The following PTPRM variants were observed in gnomAD, a reference collection of about 807,000 sequenced individuals.
PTPRM encodes receptor-type tyrosine-protein phosphatase mu.
In PTPRM, 47 loss-of-function variants were observed where a neutral mutation model predicts 186.7. The ratio of observed to expected loss-of-function variants is 0.25; its 90% CI spans 0.20 to 0.32. The LOEUF is 0.32. Ranked by LOEUF, PTPRM falls within the 10% of genes least tolerant of loss-of-function variation. PTPRM has a pLI of 1.00. For missense variants in PTPRM, 1,494 were observed against 1,865.0 expected (o/e 0.80, Z 3.66); for synonymous variants, 668 against 674.9 (o/e 0.99, Z 0.16).
At chr18:7,839,414 G>A (rs915296945) in intron 2 of PTPRM, among the ~76,000 whole-genome samples, 3 of 152,150 alleles carry the variant, frequency 2.0e-5, no homozygotes, top group African/African-American at 7.2e-5. Context: ...GATGAATTCT[G>A]CCAGGACTAG....
chr18:8,365,966 T>C (rs2095626542), intron 23 of PTPRM: 1 of 152,300 alleles, frequency 6.6e-6, no homozygotes, highest in Admixed American at 6.5e-5. Context: ...CCCAAATGTA[T>C]CTACACTTCA....
chr18:7,807,586 G>T (rs780648633), intron 2 of PTPRM, among the ~76,000 whole-genome samples: 1 of 152,118 alleles, frequency 6.6e-6, no homozygotes, highest in African/African-American at 2.4e-5. Context: ...AAGAAGGTGT[G>T]TCTGTGCCAC....
intron 2 of PTPRM, among the ~76,000 whole-genome samples, chr18:7,781,280 C>G (rs1047125653): frequency 5.9e-5 from 9 of 151,922 alleles, no homozygotes; most frequent in African/African-American, 2.2e-4. Context: ...TATTAAAATA[C>G]AATAATTAAA....
chr18:8,151,962 C>T (rs1458357978), intron 14 of PTPRM, among the ~76,000 whole-genome samples: 3 of 152,140 alleles, frequency 2.0e-5, no homozygotes, highest in South Asian at 2.1e-4. Flanking sequence ...CACCCTGCTT[C>T]GGCTCGCCCT....
At chr18:8,138,012 GGCT>G (rs2092678085) in intron 13 of PTPRM, among the ~76,000 whole-genome samples, 1 of 152,154 alleles carries the variant, frequency 6.6e-6, no homozygotes, top group Non-Finnish European at 1.5e-5. Context: ...CTAAATAAGG[GGCT>G]GCTAATTCGG....
intron 1 of PTPRM, among the ~76,000 whole-genome samples, chr18:7,659,365 A>G (rs1173576922): frequency 6.6e-6 from 1 of 152,184 alleles, no homozygotes; most frequent in Non-Finnish European, 1.5e-5. Context: ...CTATTGAATA[A>G]GTGAATGAAT....
At chr18:7,688,862 C>G (rs2039670128) in intron 1 of PTPRM, among the ~76,000 whole-genome samples, 1 of 152,188 alleles carries the variant, frequency 6.6e-6, no homozygotes, top group African/African-American at 2.4e-5. Flanking sequence ...TAGAAGGAGA[C>G]AGTGCTCCTG....
chr18:7,942,189 A>C (rs901752616), intron 5 of PTPRM, among the ~76,000 whole-genome samples: 5 of 151,818 alleles, frequency 3.3e-5, no homozygotes, highest in Admixed American at 2.6e-4. Context: ...AGGCTGAGGC[A>C]GGAAAATTGC....
intron 1 of PTPRM, among the ~76,000 whole-genome samples, chr18:7,666,516 C>T (rs368008660): frequency 1.3e-5 from 2 of 152,076 alleles, no homozygotes; most frequent in East Asian, 1.9e-4. Context: ...AAGACACCAG[C>T]GTCTGACGAG....
intron 2 of PTPRM, among the ~76,000 whole-genome samples, chr18:7,833,342 G>A (rs2045856344): frequency 1.3e-5 from 2 of 151,982 alleles, no homozygotes; most frequent in African/African-American, 4.8e-5. Flanking sequence ...TTTTGGTTAG[G>A]TTAATTCCTA....
intron 1 of PTPRM, among the ~76,000 whole-genome samples, chr18:7,728,813 T>A (rs369526435): frequency 6.6e-6 from 1 of 152,368 alleles, no homozygotes; most frequent in East Asian, 1.9e-4. Context: ...TTAATCTGTG[T>A]CCTAGACTAT....
intron 30 of PTPRM, among the ~76,000 whole-genome samples, chr18:8,385,149 C>A (rs2148536673): frequency 6.6e-6 from 1 of 152,274 alleles, no homozygotes; most frequent in Non-Finnish European, 1.5e-5. Flanking sequence ...TCCGAGGAAC[C>A]TGATCAGATA....
intron 14 of PTPRM, among the ~76,000 whole-genome samples, chr18:8,191,769 A>G (rs904593875): frequency 1.3e-5 from 2 of 152,198 alleles, no homozygotes; most frequent in African/African-American, 2.4e-5. Context: ...ACATTTTTTA[A>G]TACAGTTTTG....
intron 17 of PTPRM, chr18:8,251,579 A>G (rs1044467057): frequency 2.0e-5 from 3 of 152,308 alleles, no homozygotes; most frequent in African/African-American, 7.2e-5. Context: ...AAATCAACTT[A>G]CCACCCTTTT....
intron 13 of PTPRM, among the ~76,000 whole-genome samples, chr18:8,134,310 G>A (rs547980259): frequency 5.3e-5 from 8 of 152,118 alleles, no homozygotes; most frequent in Non-Finnish European, 1.2e-4. Flanking sequence ...TACAATATCC[G>A]TTCAGTAAAG....
At chr18:7,909,788 T>A (rs2050172691) in intron 4 of PTPRM, among the ~76,000 whole-genome samples, 1 of 141,850 alleles carries the variant, frequency 7.0e-6, no homozygotes, top group African/African-American at 2.6e-5. Flanking sequence ...GATATTCTGA[T>A]ACAAGTATAT....
intron 1 of PTPRM, among the ~76,000 whole-genome samples, chr18:7,642,477 G>A (rs534437738): frequency 1.3e-5 from 2 of 152,258 alleles, no homozygotes; most frequent in South Asian, 4.1e-4. Flanking sequence ...ATAGAAGTTA[G>A]AAAATGGACT....
chr18:8,188,145 T>C (rs780928288), intron 14 of PTPRM, among the ~76,000 whole-genome samples: 9 of 152,202 alleles, frequency 5.9e-5, no homozygotes, highest in Non-Finnish European at 1.3e-4. Context: ...AGAAAGGAAA[T>C]GTTCAGTAGT....
chr18:8,379,238 G>C lies in PTPRM; in HGVS notation c.3684G>C (p.Glu1228Asp), dbSNP rs2095715998. Residue 1228 changes from glutamate (E) to aspartate (D), a missense_variant, in exon 28 of 33, where the codon GAG becomes GAC. By Grantham distance (45) the Glu-to-Asp change is conservative (BLOSUM62 2). This residue lies in a region of PTPRM where 1,107 missense variants were observed against 1,350.2 expected (regional missense o/e 0.82). Coordinates refer to ENST00000580170, the MANE Select transcript of PTPRM (RefSeq NM_001105244.2). ...TCGCACTGTTGCCCCGGAACCATGAGAAAAACCGGTGCATGGACATCCTGC... is the reference window on the plus strand; with the variant it reads ...TCGCACTGTTGCCCCGGAACCATGACAAAAACCGGTGCATGGACATCCTGC... ...CSIALLPRNH[E>D]KNRCMDILPP... is the part of the protein sequence containing the mutation. 1 of 1,614,120 alleles carries C rather than the reference G, an allele frequency of 6.2e-7. No homozygotes were observed. The highest frequency in any genetic ancestry group is 2.2e-5 in the East Asian group (1 of 44,878).
Sources: gnomAD v4.1 joint callset for allele counts (sites outside exome capture counted in the v4.1 genomes callset) on GRCh38, gnomAD v4.1.1 for gene constraint, gnomAD v4.1.1 regional missense constraint, MANE v1.5 for transcripts, NCBI Gene and HGNC (gene_info 2026-07-23, HGNC 2026-07-21) for gene names.